The following ARHGAP29 variants were observed in gnomAD, a reference collection of about 807,000 sequenced individuals.
The protein encoded by ARHGAP29 is Rho GTPase activating protein 29.
In ARHGAP29, 43 loss-of-function variants were observed where a neutral mutation model predicts 122.6. That is an observed-to-expected ratio of 0.35 (90% CI 0.27 to 0.45). The LOEUF is 0.45. Ranked by LOEUF, ARHGAP29 falls within the 20% of genes least tolerant of loss-of-function variation. ARHGAP29 has a pLI of 1.00. For synonymous variants in ARHGAP29, 506 were observed against 497.1 expected, an observed-to-expected ratio of 1.02 and a Z score of -0.24; for missense variants, 1,303 against 1,477.2, an observed-to-expected ratio of 0.88 and a Z score of 1.93.
chr1:94,280,967 A>T, the ARHGAP29 span, among the ~76,000 whole-genome samples: 1 of 152,190 alleles, frequency 6.6e-6, no homozygotes, highest in African/African-American at 2.4e-5. Context: ...TCTGCCATCA[A>T]TCCTGAATTT....
At chr1:94,281,071 CTG>C in the ARHGAP29 span, among the ~76,000 whole-genome samples, 11 of 152,166 alleles carry the variant, frequency 7.2e-5, no homozygotes, top group African/African-American at 2.7e-4. Flanking sequence ...TAAGTGACAA[CTG>C]TGTTCTGTTA....
rs377295048 is a variant in ARHGAP29, at chr1:94,222,445, G to A, written c.206-2053C>T. The stretch of plus-strand genomic sequence containing the variant: ...AAGGTAAATATCCTTGCTATAAAGT[G>A]ATGAAAACAACACTTTACATCTGTA... On this transcript the variant is annotated intron_variant, in intron 2 of 22. Coordinates refer to ENST00000260526, the MANE Select transcript of ARHGAP29 (RefSeq NM_004815.4). Among the ~76,000 whole-genome samples, 29 of 152,258 alleles carry A rather than the reference G, an allele frequency of 1.9e-4. No homozygotes were observed. In the South Asian group the frequency reaches 3.5e-3, roughly 18 times the overall value.
intron 12 of ARHGAP29, chr1:94,192,188 A>G (rs990918937): frequency 6.6e-6 from 1 of 152,194 alleles, no homozygotes; most frequent in Non-Finnish European, 1.5e-5. Context: ...CAGATGCAGT[A>G]AGCTAACTTC....
chr1:94,241,442 C>T (rs1427475659), upstream of ARHGAP29, among the ~76,000 whole-genome samples: 2 of 151,662 alleles, frequency 1.3e-5, no homozygotes, highest in African/African-American at 4.8e-5. Flanking sequence ...ATGGTGAAAC[C>T]CCATTTCTAC....
intron 3 of ARHGAP29, among the ~76,000 whole-genome samples, chr1:94,218,867 C>G (rs1010513941): frequency 3.9e-5 from 6 of 152,144 alleles, no homozygotes; most frequent in Non-Finnish European, 8.8e-5. Flanking sequence ...TTTCCTGCTT[C>G]ATCCCTTAAC....
rs746653996 is a variant in ARHGAP29 at position 94,189,948 on chromosome 1, T to C, written c.1417A>G (p.Thr473Ala). ...YSEFVKATNS[T>A]EEEKVDGNVN... is the part of the protein sequence containing the mutation. ...CACCCATCAACTTTTTCTTCTTCAGTTGAATTTGTGGCCTTGACAAATTCA... is the reference window on the plus strand; with the variant it reads ...CACCCATCAACTTTTTCTTCTTCAGCTGAATTTGTGGCCTTGACAAATTCA... Residue 473 changes from threonine (T) to alanine (A), a missense_variant, in exon 13 of 23, where the codon ACT (threonine) becomes GCT (alanine). By Grantham distance (58) the Thr-to-Ala change is moderately conservative. This residue lies in a region of ARHGAP29 where 592 missense variants were observed against 648.2 expected (regional missense o/e 0.91). Transcript: ENST00000260526. 51 of 1,613,278 alleles carry C rather than the reference T, an allele frequency of 3.2e-5. No individual in the cohort carries two copies. The highest frequency in any genetic ancestry group is 1.1e-4 in the East Asian group (5 of 44,876).
chr1:94,274,509 G>T lies in ARHGAP29; in HGVS notation c.-33+503C>A, dbSNP rs79278085. Among the ~76,000 whole-genome samples, 1,500 of 152,308 alleles carry T rather than the reference G, an allele frequency of 9.8e-3. 22 individuals carry two copies. The highest frequency in any genetic ancestry group is 0.033 in the African/African-American group (1,385 of 41,558). On this transcript the variant is annotated intron_variant and NMD_transcript_variant, in intron 1 of 25. Transcript: ENST00000552844. ...AAACTTATTCCTTCAGCAAATATCA[G>T]TCAAGTGCTTATTGCTGGGATGTTG... is the stretch of plus-strand genomic sequence containing the variant.
At chr1:94,265,688 G>A (rs1654744240) in intron 1 of ARHGAP29, among the ~76,000 whole-genome samples, 1 of 152,112 alleles carries the variant, frequency 6.6e-6, no homozygotes, top group Non-Finnish European at 1.5e-5. Flanking sequence ...TAACAGTTGT[G>A]GGGGTCTCCC....
Position 94,205,125 on chromosome 1 carries a change from A to G in ARHGAP29, c.633T>C (p.Tyr211=). The G allele has an allele frequency of 6.2e-7, 1 of 1,609,828 alleles. No homozygotes were observed. The highest frequency in any genetic ancestry group is 8.5e-7 in the Non-Finnish European group (1 of 1,178,576). ...NTDSIELALS[Y]AKTWSKYTKN... ...TAGTATATTTTGACCAAGTTTTAGC[A>G]TATGACAAAGCCAGCTCGATAGAGT... The change falls in exon 7 of 23, where the codon TAT becomes TAC. Residue 211 remains tyrosine (Y), a synonymous_variant. Coordinates refer to ENST00000260526, the MANE Select transcript of ARHGAP29 (RefSeq NM_004815.4).
chr1:94,234,819 C>T (rs578072986), intron 1 of ARHGAP29, among the ~76,000 whole-genome samples: 1 of 152,256 alleles, frequency 6.6e-6, no homozygotes, highest in East Asian at 1.9e-4. Context: ...TAACGTCATT[C>T]TGTTTAGTTA....
At chr1:94,293,565 A>G in the ARHGAP29 span, among the ~76,000 whole-genome samples, 5 of 152,100 alleles carry the variant, frequency 3.3e-5, no homozygotes, top group Non-Finnish European at 7.4e-5. Flanking sequence ...TTCTGCGTCA[A>G]TCTCACTGGG....
At chr1:94,263,395 T>A (rs370330740) in intron 1 of ARHGAP29, among the ~76,000 whole-genome samples, 1 of 148,406 alleles carries the variant, frequency 6.7e-6, no homozygotes. Flanking sequence ...ACTTAAAAGT[T>A]AAAAAAAAAA....
At chr1:94,270,977 ATCCAGGTGTGGCTTGGCTGGACCCCC>A (rs1477353235) in intron 1 of ARHGAP29, among the ~76,000 whole-genome samples, 5 of 152,236 alleles carry the variant, frequency 3.3e-5, no homozygotes, top group African/African-American at 1.2e-4. Flanking sequence ...TGGGTTAGAA[ATCCAGGTGTGGCTTGGCTGGACCCCC>A]CAGCTCAGGG....
chr1:94,252,609 C>T (rs995281627), intron 1 of ARHGAP29, among the ~76,000 whole-genome samples: 1 of 151,896 alleles, frequency 6.6e-6, no homozygotes, highest in Non-Finnish European at 1.5e-5. Context: ...AATAAAAGTT[C>T]GGATCATGCC....
chr1:94,302,273 T>A, the ARHGAP29 span: 1 of 241,424 alleles, frequency 4.1e-6, no homozygotes, highest in Admixed American at 4.9e-5. Context: ...CCCACCAAAA[T>A]CACACAGGGT....
At chr1:94,183,914 A>G (rs1570494703) in intron 19 of ARHGAP29, among the ~76,000 whole-genome samples, 2 of 152,156 alleles carry the variant, frequency 1.3e-5, no homozygotes, top group Non-Finnish European at 2.9e-5. Context: ...GGTTTTTTAT[A>G]AGGTACGGTA....
chr1:94,237,031 T>G (rs758637339), intron 1 of ARHGAP29, among the ~76,000 whole-genome samples: 4 of 152,112 alleles, frequency 2.6e-5, no homozygotes, highest in Non-Finnish European at 5.9e-5. Context: ...GTGAACCGAG[T>G]CGAACAATCA....
At chr1:94,253,264 C>A (rs1654174815) in intron 1 of ARHGAP29, among the ~76,000 whole-genome samples, 1 of 152,102 alleles carries the variant, frequency 6.6e-6, no homozygotes, top group African/African-American at 2.4e-5. Flanking sequence ...CCACTGCGCC[C>A]GATCCATTCT....
At chr1:94,232,709 CAT>C (rs1359338599) in intron 1 of ARHGAP29, among the ~76,000 whole-genome samples, 2 of 152,148 alleles carry the variant, frequency 1.3e-5, no homozygotes, top group African/African-American at 2.4e-5. Context: ...TCAAGAAAAT[CAT>C]AGTTATTTTC....
Sources: gnomAD v4.1 joint callset for allele counts (sites outside exome capture counted in the v4.1 genomes callset) on GRCh38, gnomAD v4.1.1 for gene constraint, gnomAD v4.1.1 regional missense constraint, MANE v1.5 for transcripts, NCBI Gene and HGNC (gene_info 2026-07-23, HGNC 2026-07-21) for gene names.